The following ARHGEF3 variants were observed in gnomAD, a reference collection of about 807,000 sequenced individuals.
ARHGEF3 encodes Rho guanine nucleotide exchange factor 3.
Under a neutral mutation model 63.2 loss-of-function variants are expected in ARHGEF3, and 28 were observed. The observed-to-expected ratio is 0.44, with a 90% CI of 0.33 to 0.61. The LOEUF is 0.61. ARHGEF3 is among the 20% of genes least tolerant of loss of function. ARHGEF3 has a pLI of 0.03. For missense variants in ARHGEF3, 533 were observed against 659.3 expected, an observed-to-expected ratio of 0.81 and a Z score of 2.10; for synonymous variants, 266 against 254.2, an observed-to-expected ratio of 1.05 and a Z score of -0.44.
intron 2 of ARHGEF3, among the ~76,000 whole-genome samples, chr3:57,016,351 G>A (rs1479318455): frequency 6.7e-6 from 1 of 150,196 alleles, no homozygotes; most frequent in African/African-American, 2.5e-5. Context: ...ATATCAGCCT[G>A]GTCAAGATAG....
At chr3:56,882,319 A>G (rs1395005245) in exon 4 of ARHGEF3, 6 of 1,552,010 alleles carry the variant, frequency 3.9e-6, no homozygotes, top group Non-Finnish European at 4.4e-6. Context: ...AAAGGCTAAC[A>G]GCATCTTCAT....
chr3:56,761,757 C>G (rs2035434862), intron 2 of ARHGEF3, among the ~76,000 whole-genome samples: 1 of 152,134 alleles, frequency 6.6e-6, no homozygotes, highest in Non-Finnish European at 1.5e-5. Context: ...GAAGGTCACA[C>G]AGCTAATGAA....
At chr3:56,987,372 C>A (rs552717689) in intron 2 of ARHGEF3, among the ~76,000 whole-genome samples, 10 of 152,334 alleles carry the variant, frequency 6.6e-5, no homozygotes, top group African/African-American at 2.4e-5. Flanking sequence ...AGGGCTCCCC[C>A]TCTTTGTCTC....
intron 3 of ARHGEF3, among the ~76,000 whole-genome samples, chr3:56,885,427 G>A (rs571123795): frequency 3.3e-5 from 5 of 152,158 alleles, no homozygotes; most frequent in Non-Finnish European, 7.3e-5. Flanking sequence ...AGGCTACACC[G>A]ATACATGCTG....
chr3:56,778,856 A>G (rs1369642876), intron 1 of ARHGEF3, among the ~76,000 whole-genome samples: 1 of 152,180 alleles, frequency 6.6e-6, no homozygotes, highest in Admixed American at 6.5e-5. Flanking sequence ...TATTCTTTTG[A>G]AATTTTTCAA....
chr3:56,965,645 C>CTTTT (rs759458048), intron 2 of ARHGEF3, among the ~76,000 whole-genome samples: 7 of 133,354 alleles, frequency 5.2e-5, no homozygotes, highest in Non-Finnish European at 8.0e-5. Context: ...AAACTACATT[C>CTTTT]TTTTTTTTTT....
intron 3 of ARHGEF3, among the ~76,000 whole-genome samples, chr3:56,888,156 C>A: frequency 6.7e-6 from 1 of 149,094 alleles, no homozygotes. Flanking sequence ...TTAAAATGCA[C>A]AGACATGTTA....
intron 1 of ARHGEF3, among the ~76,000 whole-genome samples, chr3:57,062,105 G>A (rs1705252618): frequency 6.6e-6 from 1 of 152,120 alleles, no homozygotes. Context: ...ACTGCTAGCA[G>A]TGAGAAATCC....
At chr3:56,765,148 T>C (rs2035635347) in intron 2 of ARHGEF3, among the ~76,000 whole-genome samples, 1 of 152,036 alleles carries the variant, frequency 6.6e-6, no homozygotes, top group Admixed American at 6.6e-5. Context: ...GAATCAGGAG[T>C]TCCTCTTGAG....
intron 2 of ARHGEF3, among the ~76,000 whole-genome samples, chr3:56,967,883 AATATATAATATATAAATAATATATT>A (rs1366066837): frequency 1.4e-5 from 1 of 72,300 alleles, no homozygotes; most frequent in Non-Finnish European, 2.3e-5. Flanking sequence ...ATATAATATA[AATATATAATATATAAATAATATATT>A]ATATATAATA....
At chr3:56,865,199 A>G (rs1267147070) in intron 4 of ARHGEF3, among the ~76,000 whole-genome samples, 1 of 152,200 alleles carries the variant, frequency 6.6e-6, no homozygotes, top group African/African-American at 2.4e-5. Flanking sequence ...ATGAAGTCGC[A>G]GCCTCAATTT....
upstream of ARHGEF3, among the ~76,000 whole-genome samples, chr3:56,805,708 C>A (rs2037840551): frequency 6.6e-6 from 1 of 152,164 alleles, no homozygotes; most frequent in African/African-American, 2.4e-5. Context: ...GGCTACACAA[C>A]ATATATATGA....
intron 4 of ARHGEF3, among the ~76,000 whole-genome samples, chr3:56,838,879 C>T (rs888453430): frequency 1.3e-5 from 2 of 152,102 alleles, no homozygotes; most frequent in Non-Finnish European, 2.9e-5. Flanking sequence ...CCTCTAATCC[C>T]AGCACTTTGG....
rs181546440 is a variant in ARHGEF3 at position 56,969,501 on chromosome 3, G to A, written c.63-10612C>T. 1.8e-3 allele frequency among the ~76,000 whole-genome samples: 279 copies of A among 152,126 alleles called. 1 individual carries two copies. The highest frequency in any genetic ancestry group is 2.6e-3 in the Non-Finnish European group (179 of 67,978). ...AAAGGTACATATAAGGGCCGGGCGC[G>A]GTGGCTCACGCCTGTAATCCCAGCA... On this transcript the variant is annotated intron_variant, in intron 2 of 12. Transcript: ENST00000338458.
At chr3:56,888,386 C>A (rs987673286) in intron 3 of ARHGEF3, among the ~76,000 whole-genome samples, 2 of 152,158 alleles carry the variant, frequency 1.3e-5, no homozygotes, top group Non-Finnish European at 2.9e-5. Flanking sequence ...GAACATCCAG[C>A]TGAACCAAAC....
intron 1 of ARHGEF3, among the ~76,000 whole-genome samples, chr3:57,048,904 C>A (rs1172763164): frequency 6.6e-6 from 1 of 152,170 alleles, no homozygotes; most frequent in Admixed American, 6.5e-5. Context: ...CATGCCAGGG[C>A]CTGTGGCTGA....
chr3:56,953,061 T>C (rs963825594), intron 3 of ARHGEF3, among the ~76,000 whole-genome samples: 2 of 152,186 alleles, frequency 1.3e-5, no homozygotes, highest in African/African-American at 4.8e-5. Flanking sequence ...TGGGAATACA[T>C]ACTATCTACC....
intron 1 of ARHGEF3, among the ~76,000 whole-genome samples, chr3:57,054,348 A>G (rs1199862974): frequency 6.6e-6 from 1 of 151,962 alleles, no homozygotes; most frequent in African/African-American, 2.4e-5. Flanking sequence ...TTGGGTTGTC[A>G]GGTAGGTACG....
chr3:56,834,517 C>A (rs1016679383), intron 4 of ARHGEF3, among the ~76,000 whole-genome samples: 2 of 152,088 alleles, frequency 1.3e-5, no homozygotes, highest in African/African-American at 2.4e-5. Context: ...ATAATCCCAG[C>A]ACTTTGGGAG....
Sources: allele counts gnomAD v4.1 joint callset (sites outside exome capture counted in the v4.1 genomes callset), GRCh38; gene constraint gnomAD v4.1.1; transcripts MANE v1.5; gene names NCBI Gene and HGNC (gene_info 2026-07-23, HGNC 2026-07-21).